Variants in KIAA0930 observed in about 807,000 individuals in gnomAD.
KIAA0930 encodes the protein KIAA0930.
KIAA0930 carries 24 observed loss-of-function variants against 43.9 expected under a neutral mutation model. The ratio of observed to expected loss-of-function variants is 0.55; its 90% confidence interval spans 0.40 to 0.77. The LOEUF (loss-of-function observed/expected upper bound fraction) is 0.77. Among genes scored for constraint, KIAA0930 ranks in the 30% least tolerant of loss-of-function variants. The pLI is 0.00. For synonymous variants in KIAA0930, 259 were observed against 216.4 expected, an observed-to-expected ratio of 1.20 and a Z score of -1.73; for missense variants, 461 against 574.2, an observed-to-expected ratio of 0.80 and a Z score of 2.02.
chr22:45,201,436 G>A (rs987481386), intron 7 of KIAA0930, among the ~76,000 whole-genome samples: 2 of 152,198 alleles, frequency 1.3e-5, no homozygotes, highest in African/African-American at 4.8e-5. Flanking sequence ...CCAAGGCTCA[G>A]GCAGGTCTAG....
At chr22:45,215,468 A>T (rs2083725914) in intron 1 of KIAA0930, among the ~76,000 whole-genome samples, 1 of 152,208 alleles carries the variant, frequency 6.6e-6, no homozygotes, top group Non-Finnish European at 1.5e-5. Context: ...GCACAAAAAC[A>T]TTTCGTGTGT....
chr22:45,222,377 A>G lies in KIAA0930; in HGVS notation c.65-10270T>C, dbSNP rs754280683. 5.4e-4 allele frequency among the ~76,000 whole-genome samples: 83 copies of G among 152,310 alleles called. No homozygotes were observed. In the Middle Eastern group the frequency reaches 0.01, roughly 19 times the overall value. On this transcript the variant is annotated intron_variant, in intron 1 of 9. Transcript: ENST00000336156. ...GTCACCTAGGCTGGAGTCCAGTAGCACAATCACTGCAACTTTGACCTCAAC... is the reference window on the plus strand; with the variant it reads ...GTCACCTAGGCTGGAGTCCAGTAGCGCAATCACTGCAACTTTGACCTCAAC...
At chr22:45,212,602 G>C in intron 1 of KIAA0930, 6 of 1,356,522 alleles carry the variant, frequency 4.4e-6, no homozygotes, top group Non-Finnish European at 4.8e-6. Flanking sequence ...AGCCAGCCAA[G>C]GCTGCAAGCG....
intron 1 of KIAA0930, among the ~76,000 whole-genome samples, chr22:45,233,078 C>G (rs2083864276): frequency 6.6e-6 from 1 of 152,084 alleles, no homozygotes; most frequent in Non-Finnish European, 1.5e-5. Flanking sequence ...CAGCCAGTCC[C>G]TCCTGCTTCT....
intron 4 of KIAA0930, 139 bp downstream of exon 4, chr22:45,205,491 T>C: frequency 1.1e-6 from 1 of 907,464 alleles, no homozygotes; most frequent in Non-Finnish European, 1.7e-6. Flanking sequence ...GGATACGGGA[T>C]CCCAGGAGCT....
At chr22:45,203,423 G>A (rs1165142116) in intron 6 of KIAA0930, among the ~76,000 whole-genome samples, 2 of 152,130 alleles carry the variant, frequency 1.3e-5, no homozygotes, top group African/African-American at 4.8e-5. Flanking sequence ...AGGGCCCCAG[G>A]CTGGCAGCAA....
chr22:45,233,462 G>A (rs369279646), intron 1 of KIAA0930, among the ~76,000 whole-genome samples: 1 of 152,208 alleles, frequency 6.6e-6, no homozygotes, highest in African/African-American at 2.4e-5. Flanking sequence ...GGTAGGCCTG[G>A]GTGGGAAAGC....
rs766893628 is a variant in KIAA0930, at chr22:45,199,959, T to C, written c.929A>G (p.Lys310Arg). The change falls in exon 8 of 10, where the codon AAG becomes AGG. Residue 310 changes from lysine to arginine, a missense_variant. Coordinates refer to ENST00000336156, the MANE Select transcript of KIAA0930 (RefSeq NM_001009880.2). ...CTCAGCGATCCGGTTCCGGGGCACC[T>C]TCCTCTTGAGGGATGGGGAGAAGAA... is the stretch of plus-strand genomic sequence containing the variant. ...PAFFSPSLKR[K>R]VPRNRIAEMK... 5.0e-6 allele frequency: 8 copies of C among 1,609,724 alleles called. No homozygotes were observed. The Admixed American group carries it at 1.3e-4, about 27-fold the overall frequency.
At chr22:45,213,309 T>C (rs1454119557) in intron 1 of KIAA0930, 12 of 1,302,954 alleles carry the variant, frequency 9.2e-6, no homozygotes, top group Admixed American at 6.9e-5. Flanking sequence ...TGCCCAACAG[T>C]GTGTTGCTCA....
At chr22:45,217,675 G>A (rs1339465896) in intron 1 of KIAA0930, among the ~76,000 whole-genome samples, 3 of 152,190 alleles carry the variant, frequency 2.0e-5, no homozygotes, top group African/African-American at 7.2e-5. Context: ...ACCTGTGTCA[G>A]GTAAGGAATT....
chr22:45,203,047 G>A lies in KIAA0930; in HGVS notation c.795C>T (p.Asp265=). ...EMAVSRVSTG[D]TSPCGTEEDS... is the part of the protein sequence containing the mutation. ...CCTCTTCAGTCCCACAGGGGGATGT[G>A]TCACCTGTAGACACTCGGCTGACCG... Residue 265 remains aspartate, a synonymous_variant, in exon 7 of 10, where the codon GAC becomes GAT. Transcript: ENST00000336156. 1.1e-5 allele frequency: 17 copies of A among 1,613,622 alleles called. No homozygotes were observed. The highest frequency in any genetic ancestry group is 1.4e-5 in the Non-Finnish European group (16 of 1,179,806).
rs373310450 is a variant in KIAA0930 at position 45,223,630 on chromosome 22, G to GATAAGCACCCAGGGTCAGCCCCAC, written c.65-11524_65-11523insGTGGGGCTGACCCTGGGTGCTTAT. Reference sequence around the variant, plus strand: ...GAGCCAGCAACTAGGATCAGCACCAGATAAGCACCCAAGGTCAGCACTAAG... The same window carrying GATAAGCACCCAGGGTCAGCCCCAC: ...GAGCCAGCAACTAGGATCAGCACCAGATAAGCACCCAGGGTCAGCCCCACATAAGCACCCAAGGTCAGCACTAAG... On this transcript the variant is annotated intron_variant, in intron 1 of 9. Transcript: ENST00000336156. Among the ~76,000 whole-genome samples, 1,008 of 148,772 alleles carry GATAAGCACCCAGGGTCAGCCCCAC rather than the reference G, an allele frequency of 6.8e-3. 15 individuals are homozygous for GATAAGCACCCAGGGTCAGCCCCAC. Among genetic ancestry groups the GATAAGCACCCAGGGTCAGCCCCAC allele is most frequent in the African/African-American group, 0.025 (951 of 38,716 alleles).
At chr22:45,200,873 T>G (rs1158753857) in intron 7 of KIAA0930, 5 of 471,370 alleles carry the variant, frequency 1.1e-5, no homozygotes, top group Non-Finnish European at 1.8e-5. Flanking sequence ...GCAAAAGGGA[T>G]CCACAGCCTG....
intron 1 of KIAA0930, among the ~76,000 whole-genome samples, chr22:45,235,960 A>G (rs1433030379): frequency 2.0e-5 from 3 of 152,248 alleles, no homozygotes; most frequent in Non-Finnish European, 4.4e-5. Context: ...TGAAGGGTGC[A>G]CAGCGCTCTT....
chr22:45,218,699 C>T (rs12170569), intron 1 of KIAA0930, among the ~76,000 whole-genome samples: 23,838 of 152,116 alleles, frequency 0.16, 2,164 homozygotes, highest in African/African-American at 0.24. Context: ...AGCCCACATC[C>T]TTATCCTTAG....
chr22:45,216,825 C>A (rs1750075446), intron 1 of KIAA0930, among the ~76,000 whole-genome samples: 1 of 152,118 alleles, frequency 6.6e-6, no homozygotes, highest in South Asian at 2.1e-4. Context: ...CTGAGCCAGG[C>A]TTACGGTGGT....
intron 5 of KIAA0930, among the ~76,000 whole-genome samples, chr22:45,204,697 C>T (rs751632462): frequency 3.3e-5 from 5 of 151,794 alleles, no homozygotes; most frequent in South Asian, 4.2e-4. Context: ...GAGCTGCGAC[C>T]GGCTCCCTCC....
chr22:45,238,875 G>GCT (rs141242172), intron 1 of KIAA0930, among the ~76,000 whole-genome samples: 6,938 of 145,398 alleles, frequency 0.048, 468 homozygotes, highest in African/African-American at 0.16. Flanking sequence ...CCCTGGGCAG[G>GCT]CTCTCTCTCT....
At chr22:45,214,702 A>G (rs1040045067) in intron 1 of KIAA0930, among the ~76,000 whole-genome samples, 1 of 152,046 alleles carries the variant, frequency 6.6e-6, no homozygotes, top group Non-Finnish European at 1.5e-5. Flanking sequence ...TTAGGCCAGG[A>G]GTTCAAGGTC....
Sources: allele counts gnomAD v4.1 joint callset (sites outside exome capture counted in the v4.1 genomes callset), GRCh38; gene constraint gnomAD v4.1.1; transcripts MANE v1.5; gene names NCBI Gene and HGNC (gene_info 2026-07-23, HGNC 2026-07-21).